Variants in AADAC observed in about 807,000 individuals in gnomAD.
The protein encoded by AADAC is arylacetamide deacetylase.
A neutral mutation model predicts 22.7 loss-of-function variants in AADAC; 17 were observed. The ratio of observed to expected loss-of-function variants is 0.75; its 90% CI spans 0.51 to 1.12. AADAC has a LOEUF of 1.12. Among genes scored for constraint, AADAC ranks in the 50% most tolerant of loss-of-function variants. The pLI, the probability that AADAC is intolerant of heterozygous loss-of-function variation, is 0.00. For synonymous variants in AADAC, 167 were observed against 176.3 expected, an observed-to-expected ratio of 0.95 and a Z score of 0.42; for missense variants, 465 against 473.9, an observed-to-expected ratio of 0.98 and a Z score of 0.17.
chr3:151,824,596 C>A, intron 3 of AADAC, 67 bp from the exon 4 acceptor site: 8 of 1,268,546 alleles, frequency 6.3e-6, no homozygotes, highest in Non-Finnish European at 8.2e-6. Context: ...TACTTTTGCA[C>A]CAATAATATA....
intron 1 of AADAC, among the ~76,000 whole-genome samples, chr3:151,816,410 A>C (rs955951577): frequency 2.6e-5 from 4 of 152,090 alleles, no homozygotes; most frequent in Admixed American, 1.3e-4. Flanking sequence ...GCTTTTTGTA[A>C]TCACCTGCTG....
intron 2 of AADAC, among the ~76,000 whole-genome samples, chr3:151,818,978 A>G (rs3821472): frequency 0.16 from 24,813 of 151,942 alleles, 2,321 homozygotes; most frequent in African/African-American, 0.21. Flanking sequence ...ATTGGACTGG[A>G]CCTACTAAGT....
rs777654667 is a variant in AADAC at position 151,814,274 on chromosome 3, G to C, written c.112G>C (p.Ala38Pro). 1.2e-6 allele frequency: 2 copies of C among 1,612,722 alleles called. No individual in the cohort carries two copies. The highest frequency in any genetic ancestry group is 2.7e-5 in the African/African-American group (2 of 74,788). ...EEPWRMMWINAHLKTIQNLAT... is the reference protein window; with the variant it reads ...EEPWRMMWINPHLKTIQNLAT... ...GCCATGGAGAATGATGTGGATAAAC[G>C]CACATCTGAAAACTATACAAAATTT... Residue 38 changes from alanine (A) to proline (P), a missense_variant, in exon 1 of 5, where the codon GCA becomes CCA. Transcript: ENST00000232892.
intron 2 of AADAC, 21 bp from the exon 3 acceptor site, chr3:151,820,362 G>T: frequency 6.5e-7 from 1 of 1,546,280 alleles, no homozygotes; most frequent in East Asian, 2.3e-5. Context: ...CTAATATGTT[G>T]CTTTTATCCT....
At chr3:151,817,804 C>CT (rs1392193807) in intron 2 of AADAC, among the ~76,000 whole-genome samples, 2 of 151,524 alleles carry the variant, frequency 1.3e-5, no homozygotes, top group South Asian at 2.1e-4. Context: ...TGAGAAGAAA[C>CT]TTTTTTTTTC....
At chr3:151,816,225 C>A (rs1293082856) in intron 1 of AADAC, among the ~76,000 whole-genome samples, 2 of 152,074 alleles carry the variant, frequency 1.3e-5, no homozygotes, top group African/African-American at 4.8e-5. Context: ...TCCCAGCTCC[C>A]ATGTGCAACC....
chr3:151,822,351 T>G (rs572390758), intron 3 of AADAC, among the ~76,000 whole-genome samples: 1 of 152,008 alleles, frequency 6.6e-6, no homozygotes, highest in African/African-American at 2.4e-5. Context: ...AAAACTTGTA[T>G]GTTCACAGAA....
At chr3:151,826,850 G>A (rs1716516714) in intron 4 of AADAC, among the ~76,000 whole-genome samples, 1 of 151,932 alleles carries the variant, frequency 6.6e-6, no homozygotes, top group African/African-American at 2.4e-5. Context: ...TCAAAGCCAT[G>A]TCAGAAACCT....
Position 151,824,736 on chromosome 3 carries a change from C to T in AADAC, c.505C>T (p.Arg169Cys), listed in dbSNP as rs377143427. The T allele has an allele frequency of 1.6e-5, 25 of 1,608,132 alleles. No homozygotes were observed. Among genetic ancestry groups the T allele is most frequent in the African/African-American group, 4.0e-5 (3 of 74,698 alleles). The change falls in exon 4 of 5, where the codon CGT becomes TGT. Residue 169 changes from arginine to cysteine, a missense_variant. Coordinates refer to ENST00000232892, the MANE Select transcript of AADAC (RefSeq NM_001086.3). ...DVYNALRWFLRKKVLAKYGVN... is the reference protein window; with the variant it reads ...DVYNALRWFLCKKVLAKYGVN... Reference sequence around the variant, plus strand: ...ATATAATGCCTTAAGGTGGTTCTTACGTAAAAAAGTTCTTGCAAAATATGG... The same window carrying T: ...ATATAATGCCTTAAGGTGGTTCTTATGTAAAAAAGTTCTTGCAAAATATGG...
Position 151,824,835 on chromosome 3 carries a change from G to A in AADAC, c.603+1G>A. 6.4e-7 allele frequency: 1 copy of A among 1,555,072 alleles called. No homozygotes were observed. Among genetic ancestry groups the A allele is most frequent in the Non-Finnish European group, 8.7e-7 (1 of 1,153,432 alleles). On this transcript the variant is annotated splice_donor_variant, in intron 4 of 4. Transcript: ENST00000232892. LOFTEE classifies it high-confidence loss of function. ...TTTAGCTGCAGCAGTGACTCAACAG[G>A]TATGTTCATAATTTCTATGCTTTTT...
chr3:151,823,146 T>A (rs1267678527), intron 3 of AADAC, among the ~76,000 whole-genome samples: 1 of 151,492 alleles, frequency 6.6e-6, no homozygotes, highest in Non-Finnish European at 1.5e-5. Flanking sequence ...GGTGTGGTGG[T>A]GGGCACCTGT....
At chr3:151,814,373 T>C in intron 1 of AADAC, 73 bp downstream of exon 1, 1 of 1,409,870 alleles carries the variant, frequency 7.1e-7, no homozygotes, top group Non-Finnish European at 9.5e-7. Context: ...TTTTTCAAGA[T>C]TCTATTCTTT....
intron 4 of AADAC, among the ~76,000 whole-genome samples, chr3:151,826,242 A>G (rs898440781): frequency 6.6e-6 from 1 of 152,002 alleles, no homozygotes; most frequent in African/African-American, 2.4e-5. Flanking sequence ...AATCATTATT[A>G]TGGATTTCAT....
At chr3:151,819,590 T>C (rs544389573) in intron 2 of AADAC, among the ~76,000 whole-genome samples, 1 of 152,094 alleles carries the variant, frequency 6.6e-6, no homozygotes, top group African/African-American at 2.4e-5. Context: ...AGGAGAAATA[T>C]AAACAAGTTG....
chr3:151,818,031 G>T (rs1436457507), intron 2 of AADAC, among the ~76,000 whole-genome samples: 1 of 151,902 alleles, frequency 6.6e-6, no homozygotes, highest in African/African-American at 2.4e-5. Flanking sequence ...TTGAGGTCAG[G>T]AGTTTGAGAC....
At position 151,822,285 on chromosome 3, in the gene AADAC, C is replaced by A. The variant is rs556344185; in HGVS notation, c.431+1833C>A. On this transcript the variant is annotated intron_variant, in intron 3 of 4. Coordinates refer to ENST00000232892, the MANE Select transcript of AADAC (RefSeq NM_001086.3). ...AGTTCAAACAGAGTTACCATATTGA[C>A]CCAGTATTTCCATTTCTAGGTGTAT... Among the ~76,000 whole-genome samples the A allele has an allele frequency of 3.9e-5, 6 of 152,014 alleles. 1 individual carries two copies. The highest frequency in any genetic ancestry group is 7.4e-5 in the Non-Finnish European group (5 of 67,920).
At position 151,814,157 on chromosome 3, in the gene AADAC, T is replaced by A. The variant is rs200374903; in HGVS notation, c.-6T>A. ...TTTCTAGAGACCAAGAAGCGGGACGTTCACCATGGGAAGAAAATCGCTGTA... is the reference window on the plus strand; with the variant it reads ...TTTCTAGAGACCAAGAAGCGGGACGATCACCATGGGAAGAAAATCGCTGTA... On this transcript the variant is annotated 5_prime_UTR_variant, in exon 1 of 5. Transcript: ENST00000232892. 5.9e-5 allele frequency: 95 copies of A among 1,613,398 alleles called. No homozygotes were observed. The Admixed American group carries it at 1.6e-3, about 27-fold the overall frequency.
chr3:151,817,995 T>C (rs1716063451), intron 2 of AADAC, among the ~76,000 whole-genome samples: 4 of 151,966 alleles, frequency 2.6e-5, no homozygotes, highest in African/African-American at 7.2e-5. Flanking sequence ...TCCCAGCACT[T>C]TGGGAGGCCA....
chr3:151,816,935 A>G (rs1350609437), intron 1 of AADAC, among the ~76,000 whole-genome samples: 1 of 151,894 alleles, frequency 6.6e-6, no homozygotes. Context: ...GATGGTAAAA[A>G]TTTCTTTCAG....
Sources: gnomAD v4.1 joint callset for allele counts (sites outside exome capture counted in the v4.1 genomes callset) on GRCh38, gnomAD v4.1.1 for gene constraint, MANE v1.5 for transcripts, NCBI Gene and HGNC (gene_info 2026-07-23, HGNC 2026-07-21) for gene names.